Variants in THRB observed in about 807,000 individuals in gnomAD.
THRB encodes nuclear receptor subfamily 1 group A member 2.
In THRB, 12 loss-of-function variants were observed where a neutral mutation model predicts 47.8. The observed-to-expected ratio is 0.25, with a 90% CI of 0.16 to 0.41. THRB has a LOEUF of 0.41. Among genes scored for constraint, THRB ranks in the 10% least tolerant of loss-of-function variants. THRB has a pLI of 1.00. For synonymous variants in THRB, 218 were observed against 212.2 expected, an observed-to-expected ratio of 1.03 and a Z score of -0.24; for missense variants, 348 against 589.2, an observed-to-expected ratio of 0.59 and a Z score of 4.24.
intron 5 of THRB, among the ~76,000 whole-genome samples, chr3:24,164,555 TAAAG>T (rs1433816921): frequency 6.6e-6 from 1 of 152,154 alleles, no homozygotes; most frequent in East Asian, 1.9e-4. Flanking sequence ...ATAGTACTGT[TAAAG>T]AAATCACTAA....
intron 1 of THRB, among the ~76,000 whole-genome samples, chr3:24,434,917 T>C (rs1173209682): frequency 1.3e-5 from 2 of 152,196 alleles, no homozygotes; most frequent in Admixed American, 1.3e-4. Context: ...GGAATTTTAC[T>C]GTGTAGCATT....
chr3:24,334,211 C>A (rs1458252605), intron 2 of THRB, among the ~76,000 whole-genome samples: 1 of 151,886 alleles, frequency 6.6e-6, no homozygotes, highest in Non-Finnish European at 1.5e-5. Context: ...CCCATTATTT[C>A]ATAGTTCTTG....
intron 7 of THRB, chr3:24,144,594 A>G (rs184039209): frequency 1.2e-4 from 18 of 152,342 alleles, no homozygotes; most frequent in African/African-American, 4.3e-4. Flanking sequence ...CAAGAAACCT[A>G]TATTTCTGTG....
intron 1 of THRB, among the ~76,000 whole-genome samples, chr3:24,410,517 C>A (rs140436884): frequency 6.6e-6 from 1 of 151,744 alleles, no homozygotes; most frequent in Non-Finnish European, 1.5e-5. Flanking sequence ...TGTAAATACC[C>A]CTTTGACAAT....
At chr3:24,240,005 C>G (rs1351256073) in intron 3 of THRB, among the ~76,000 whole-genome samples, 1 of 152,140 alleles carries the variant, frequency 6.6e-6, no homozygotes, top group African/African-American at 2.4e-5. Flanking sequence ...CTGGGTTTCC[C>G]TCAAAAATTA....
At chr3:24,414,294 C>T (rs889122926) in intron 1 of THRB, among the ~76,000 whole-genome samples, 8 of 152,000 alleles carry the variant, frequency 5.3e-5, no homozygotes, top group African/African-American at 1.7e-4. Flanking sequence ...AATAATCACT[C>T]CCAGTGTTAA....
chr3:24,292,567 C>T (rs1294744270), intron 3 of THRB, among the ~76,000 whole-genome samples: 1 of 152,132 alleles, frequency 6.6e-6, no homozygotes, highest in Non-Finnish European at 1.5e-5. Context: ...AGCCCTTCTC[C>T]CTGGCTCGAC....
chr3:24,460,397 C>T (rs75139317), intron 1 of THRB, among the ~76,000 whole-genome samples: 3,484 of 152,208 alleles, frequency 0.023, 75 homozygotes, highest in East Asian at 0.086. Flanking sequence ...TCTTTATCAG[C>T]AATGGGAAAA....
intron 4 of THRB, among the ~76,000 whole-genome samples, chr3:24,227,415 G>C (rs17014418): frequency 0.064 from 9,811 of 152,242 alleles, 358 homozygotes; most frequent in South Asian, 0.096. Flanking sequence ...TTTAGTGGCG[G>C]AGAATTTGAC....
chr3:24,159,660 T>A (rs1288004315), intron 5 of THRB, among the ~76,000 whole-genome samples: 1 of 151,918 alleles, frequency 6.6e-6, no homozygotes, highest in South Asian at 2.1e-4. Context: ...GGTCCTCGAG[T>A]GGGGATGATT....
At chr3:24,358,416 T>C (rs1167025460) in intron 1 of THRB, among the ~76,000 whole-genome samples, 4 of 152,168 alleles carry the variant, frequency 2.6e-5, no homozygotes, top group African/African-American at 9.6e-5. Context: ...TGTTTTTATG[T>C]TGGAGTCTTT....
At chr3:24,369,605 C>G in intron 1 of THRB, among the ~76,000 whole-genome samples, 1 of 152,072 alleles carries the variant, frequency 6.6e-6, no homozygotes, top group East Asian at 1.9e-4. Flanking sequence ...TACCCCTATG[C>G]TGGGCTATTT....
chr3:24,181,972 T>C (rs1452764558), intron 5 of THRB, among the ~76,000 whole-genome samples: 2 of 152,040 alleles, frequency 1.3e-5, no homozygotes, highest in African/African-American at 4.8e-5. Context: ...GAGGCCAAGG[T>C]GGGCGGATCA....
At position 24,457,583 on chromosome 3, in the gene THRB, T is replaced by C. The variant is rs58745757; in HGVS notation, c.-261+37069A>G. On this transcript the variant is annotated intron_variant, in intron 1 of 10. Transcript: ENST00000646209. ...CTTAAAAGGCAACAAACTAGTGACATGCGAACAGAAACCACAGGTTTAAAG... is the reference window on the plus strand; with the variant it reads ...CTTAAAAGGCAACAAACTAGTGACACGCGAACAGAAACCACAGGTTTAAAG... 2.2e-3 allele frequency among the ~76,000 whole-genome samples: 334 copies of C among 152,332 alleles called. 1 individual carries two copies. The highest frequency in any genetic ancestry group is 7.8e-3 in the African/African-American group (326 of 41,570).
chr3:24,182,823 A>G (rs2042076773), intron 5 of THRB, among the ~76,000 whole-genome samples: 2 of 152,174 alleles, frequency 1.3e-5, no homozygotes, highest in Admixed American at 1.3e-4. Flanking sequence ...GCTGACCTCT[A>G]CTGCTCCCAT....
At chr3:24,259,249 T>C (rs117321011) in intron 3 of THRB, among the ~76,000 whole-genome samples, 1 of 152,322 alleles carries the variant, frequency 6.6e-6, no homozygotes, top group East Asian at 1.9e-4. Flanking sequence ...CAGGAGTTGC[T>C]TTAAATCACC....
At chr3:24,253,820 T>C (rs917351434) in intron 3 of THRB, among the ~76,000 whole-genome samples, 1 of 152,004 alleles carries the variant, frequency 6.6e-6, no homozygotes, top group Admixed American at 6.6e-5. Flanking sequence ...TCTAAAGAAA[T>C]GAGATTGGGT....
At chr3:24,299,766 CTTTTTTATTTATTTATTTATTTATTT>C (rs1429553818) in intron 2 of THRB, among the ~76,000 whole-genome samples, 1 of 58,580 alleles carries the variant, frequency 1.7e-5, no homozygotes, top group South Asian at 7.0e-4. Flanking sequence ...GGGAAGTATG[CTTTTTTATTTATTTATTTATTTATTT>C]TTTTTTTTTT....
At chr3:24,307,691 A>G (rs928708283) in intron 2 of THRB, among the ~76,000 whole-genome samples, 7 of 152,188 alleles carry the variant, frequency 4.6e-5, no homozygotes, top group African/African-American at 1.7e-4. Flanking sequence ...TCCCAAAATT[A>G]CTGCTGGAAA....
Sources: gnomAD v4.1 joint callset for allele counts (sites outside exome capture counted in the v4.1 genomes callset) on GRCh38, gnomAD v4.1.1 for gene constraint, MANE v1.5 for transcripts, NCBI Gene and HGNC (gene_info 2026-07-23, HGNC 2026-07-21) for gene names.